Variants in LUZP2 observed in about 807,000 individuals in gnomAD.
The protein encoded by LUZP2 is leucine zipper protein 2.
In LUZP2, 52 loss-of-function variants were observed where a neutral mutation model predicts 51.6. The ratio of observed to expected loss-of-function variants is 1.01; its 90% CI spans 0.81 to 1.27. The LOEUF is 1.27. LUZP2 is among the 50% of genes most tolerant of loss of function. The pLI, the probability that LUZP2 is intolerant of heterozygous loss-of-function variation, is 0.00. For missense variants in LUZP2, 436 were observed against 395.4 expected, an observed-to-expected ratio of 1.10 and a Z score of -0.87; for synonymous variants, 154 against 137.3, an observed-to-expected ratio of 1.12 and a Z score of -0.85.
intron 4 of LUZP2, among the ~76,000 whole-genome samples, chr11:24,757,242 A>C (rs1425526461): frequency 6.6e-6 from 1 of 152,242 alleles, no homozygotes; most frequent in Admixed American, 6.5e-5. Flanking sequence ...TACAGAAATG[A>C]TATACAAATA....
rs562660783 is a variant in LUZP2, at chr11:24,865,815, A to AT, written c.397-40173dup. The stretch of plus-strand genomic sequence containing the variant: ...GTGTGTGTGTATATATAATTTATGT[A>AT]TTTATTTTTTTTGAGATGGAGTCTC... On this transcript the variant is annotated intron_variant, in intron 5 of 11. Transcript: ENST00000336930. Among the ~76,000 whole-genome samples the AT allele has an allele frequency of 6.8e-3, 1,011 of 149,726 alleles. 11 individuals carry two copies. Among genetic ancestry groups the AT allele is most frequent in the African/African-American group, 0.023 (952 of 40,552 alleles).
intron 9 of LUZP2, among the ~76,000 whole-genome samples, chr11:25,004,019 T>C (rs1241054204): frequency 1.3e-5 from 2 of 152,040 alleles, no homozygotes; most frequent in Non-Finnish European, 2.9e-5. Flanking sequence ...GACAGGAGAT[T>C]AGTACTGAGA....
At chr11:25,070,076 G>T (rs1859109871) in intron 10 of LUZP2, among the ~76,000 whole-genome samples, 1 of 151,922 alleles carries the variant, frequency 6.6e-6, no homozygotes, top group Non-Finnish European at 1.5e-5. Context: ...GGATTGAGCT[G>T]AGTGAGGACT....
At chr11:24,661,925 A>G (rs1226521318) in intron 1 of LUZP2, among the ~76,000 whole-genome samples, 3 of 152,148 alleles carry the variant, frequency 2.0e-5, no homozygotes, top group Non-Finnish European at 2.9e-5. Context: ...GAGGCAGCCT[A>G]TTTCTCAGAG....
At chr11:25,065,396 G>A (rs998006410) in intron 10 of LUZP2, among the ~76,000 whole-genome samples, 8 of 152,024 alleles carry the variant, frequency 5.3e-5, no homozygotes, top group African/African-American at 1.9e-4. Context: ...AGTGGGATGA[G>A]TGTCACTCAG....
intron 1 of LUZP2, among the ~76,000 whole-genome samples, chr11:24,669,605 A>G (rs181489264): frequency 9.9e-5 from 15 of 152,024 alleles, no homozygotes; most frequent in Admixed American, 9.2e-4. Flanking sequence ...AAACATATTT[A>G]GATTTGTGGA....
At chr11:24,834,304 T>C (rs1414797797) in intron 5 of LUZP2, among the ~76,000 whole-genome samples, 2 of 152,106 alleles carry the variant, frequency 1.3e-5, no homozygotes, top group African/African-American at 4.8e-5. Context: ...GTCCACGTGT[T>C]CTCATTTTTC....
chr11:24,657,992 G>A (rs188209703), intron 1 of LUZP2, among the ~76,000 whole-genome samples: 212 of 152,112 alleles, frequency 1.4e-3, no homozygotes, highest in African/African-American at 4.0e-3. Flanking sequence ...GAAAATGGCC[G>A]TACTGCCCAA....
chr11:24,853,479 TATGTTCTTCTATA>T lies in LUZP2; in HGVS notation c.397-52510_397-52498del, dbSNP rs1590641576. Among the ~76,000 whole-genome samples the T allele has an allele frequency of 3.9e-5, 6 of 152,232 alleles. 1 individual carries two copies. Among genetic ancestry groups the T allele is most frequent in the Admixed American group, 3.3e-4 (5 of 15,276 alleles). Reference sequence around the variant, plus strand: ...TGTTTTTCAGCTCCATCAGGTTATTTATGTTCTTCTATAAATGGGTTACTCTAGTTAGCAATTC... The same window carrying T: ...TGTTTTTCAGCTCCATCAGGTTATTTAATGGGTTACTCTAGTTAGCAATTC... On this transcript the variant is annotated intron_variant, in intron 5 of 11. Transcript: ENST00000336930.
intron 5 of LUZP2, among the ~76,000 whole-genome samples, chr11:24,831,697 T>G (rs1485710260): frequency 6.6e-6 from 1 of 152,158 alleles, no homozygotes; most frequent in Non-Finnish European, 1.5e-5. Flanking sequence ...AGTGTTTAAT[T>G]TATGTAGACT....
At chr11:24,949,811 G>A (rs1855023500) in intron 7 of LUZP2, among the ~76,000 whole-genome samples, 1 of 151,620 alleles carries the variant, frequency 6.6e-6, no homozygotes, top group Non-Finnish European at 1.5e-5. Context: ...TGTAGAACAC[G>A]CAGGTGATCA....
intron 1 of LUZP2, among the ~76,000 whole-genome samples, chr11:24,516,811 TACAGCTGCCTAGGTA>T (rs1488151824): frequency 6.6e-6 from 1 of 152,190 alleles, no homozygotes; most frequent in Non-Finnish European, 1.5e-5. Context: ...TTTTCTAGGT[TACAGCTGCCTAGGTA>T]ACAGCTGCCT....
intron 1 of LUZP2, among the ~76,000 whole-genome samples, chr11:24,648,254 A>G (rs1161965111): frequency 2.0e-5 from 3 of 151,964 alleles, no homozygotes; most frequent in Middle Eastern, 3.4e-3. Context: ...GTATCCATGC[A>G]TACAACCTGG....
chr11:25,049,992 G>GTAA, intron 9 of LUZP2, 46 bp from the exon 10 acceptor site: 1 of 1,115,254 alleles, frequency 9.0e-7, no homozygotes, highest in South Asian at 1.6e-5. Context: ...TATTTCTCTT[G>GTAA]TATTTAGTGA....
At chr11:24,788,373 A>C (rs1849308382) in intron 5 of LUZP2, among the ~76,000 whole-genome samples, 1 of 151,662 alleles carries the variant, frequency 6.6e-6, no homozygotes, top group Admixed American at 6.6e-5. Context: ...TATTTTTAGT[A>C]GAGACGGGGT....
At chr11:24,594,015 C>A (rs140635120) in intron 1 of LUZP2, among the ~76,000 whole-genome samples, 27 of 152,230 alleles carry the variant, frequency 1.8e-4, no homozygotes, top group African/African-American at 6.3e-4. Context: ...GAGTGCCTGG[C>A]ACTTAGTAAG....
intron 9 of LUZP2, among the ~76,000 whole-genome samples, chr11:25,022,104 C>A (rs989902859): frequency 2.6e-5 from 4 of 152,000 alleles, no homozygotes; most frequent in South Asian, 2.1e-4. Context: ...TCTGGAGAAC[C>A]AATGCTCATC....
intron 10 of LUZP2, among the ~76,000 whole-genome samples, chr11:25,068,821 C>G (rs775751344): frequency 4.6e-5 from 7 of 151,928 alleles, no homozygotes; most frequent in Non-Finnish European, 8.8e-5. Context: ...TCAGTATTTC[C>G]CATCTCAGCT....
At chr11:25,030,903 AT>A (rs1565254243) in intron 9 of LUZP2, among the ~76,000 whole-genome samples, 1 of 44,896 alleles carries the variant, frequency 2.2e-5, no homozygotes, top group East Asian at 3.5e-4. Flanking sequence ...ATATATATAT[AT>A]AATATATATT....
Sources: gnomAD v4.1 joint callset for allele counts (sites outside exome capture counted in the v4.1 genomes callset) on GRCh38, gnomAD v4.1.1 for gene constraint, MANE v1.5 for transcripts, NCBI Gene and HGNC (gene_info 2026-07-23, HGNC 2026-07-21) for gene names.